MELK: variants seen among roughly 807,000 people sequenced by gnomAD.
MELK encodes the protein pEg3 kinase.
In MELK, 81 loss-of-function variants were observed where a neutral mutation model predicts 85.0. That is an observed-to-expected ratio of 0.95 (90% confidence interval 0.80 to 1.15). The LOEUF is 1.15. Ranked by LOEUF, MELK falls within the 50% of genes most tolerant of loss-of-function variation. The pLI is 0.00. For missense variants in MELK, 754 were observed against 777.5 expected (o/e 0.97, Z 0.36); for synonymous variants, 252 against 265.0 (o/e 0.95, Z 0.48).
rs559265487 is a variant in MELK, at chr9:36,671,097, T to C, written c.1605T>C (p.Asp535=). ...TTGGGAGCCTTGAAAGGGGGTTGGATAAGGTTATCACTGTGCTCACCAGGA... is the reference window on the plus strand; with the variant it reads ...TTGGGAGCCTTGAAAGGGGGTTGGACAAGGTTATCACTGTGCTCACCAGGA... The part of the protein sequence containing the change: ...KVFGSLERGL[D]KVITVLTRSK... Residue 535 remains aspartate (D), a synonymous_variant, in exon 16 of 18, where the codon GAT becomes GAC. Coordinates refer to ENST00000298048, the MANE Select transcript of MELK (RefSeq NM_014791.4). The C allele has an allele frequency of 3.5e-5, 57 of 1,613,128 alleles. No homozygotes were observed. The South Asian group carries it at 5.5e-4, about 16-fold the overall frequency.
At chr9:36,591,008 C>T (rs1823483466) in intron 4 of MELK, among the ~76,000 whole-genome samples, 1 of 152,142 alleles carries the variant, frequency 6.6e-6, no homozygotes, top group African/African-American at 2.4e-5. Flanking sequence ...GGGAGAATTG[C>T]TTGAGTCCAG....
intron 12 of MELK, among the ~76,000 whole-genome samples, chr9:36,656,523 G>A (rs551424292): frequency 6.6e-6 from 1 of 152,168 alleles, no homozygotes; most frequent in Non-Finnish European, 1.5e-5. Flanking sequence ...CTTGCCCTAT[G>A]CCTGGAATAC....
rs1437342332 is a variant in MELK, at chr9:36,651,877, G to A, written c.1053G>A (p.Lys351=). ...QASATPFTDI[K]SNNWSLEDVT... Reference sequence around the variant, plus strand: ...GTGCTACCCCATTCACAGACATCAAGGTAAGTGTTACTGCCTGTTGTGTCT... The same window carrying A: ...GTGCTACCCCATTCACAGACATCAAAGTAAGTGTTACTGCCTGTTGTGTCT... Residue 351 remains lysine (K), a splice_region_variant and synonymous_variant, in exon 12 of 18, where the codon AAG becomes AAA. Transcript: ENST00000298048. 6.2e-7 allele frequency: 1 copy of A among 1,613,026 alleles called. No homozygotes were observed. Among genetic ancestry groups the A allele is most frequent in the Admixed American group, 1.7e-5 (1 of 59,946 alleles).
intron 14 of MELK, among the ~76,000 whole-genome samples, chr9:36,666,336 G>T (rs572046605): frequency 7.0e-4 from 107 of 152,300 alleles, no homozygotes; most frequent in Non-Finnish European, 1.1e-3. Flanking sequence ...TGTCATGACA[G>T]TAGAGACTCT....
rs1344682382 is a variant in MELK at position 36,671,106 on chromosome 9, C to T, written c.1614C>T (p.Ile538=). The stretch of plus-strand genomic sequence containing the variant: ...TTGAAAGGGGGTTGGATAAGGTTAT[C>T]ACTGTGCTCACCAGGAGCAAAAGGA... ...GSLERGLDKV[I]TVLTRSKRKG... Residue 538 remains isoleucine, a synonymous_variant, in exon 16 of 18, where the codon ATC becomes ATT. Transcript: ENST00000298048. The T allele has an allele frequency of 2.5e-6, 4 of 1,612,490 alleles. No homozygotes were observed. Among genetic ancestry groups the T allele is most frequent in the Non-Finnish European group, 3.4e-6 (4 of 1,179,260 alleles).
chr9:36,659,031 G>A (rs1307459140), intron 13 of MELK, among the ~76,000 whole-genome samples: 10 of 152,132 alleles, frequency 6.6e-5, no homozygotes, highest in African/African-American at 1.9e-4. Context: ...ACAGGTGCCC[G>A]CCACCACGCC....
chr9:36,621,578 T>C (rs1468621278), intron 8 of MELK, among the ~76,000 whole-genome samples: 1 of 152,184 alleles, frequency 6.6e-6, no homozygotes, highest in African/African-American at 2.4e-5. Flanking sequence ...CTAGCCAATT[T>C]GTTTTCAGAG....
rs1220796077 is a variant in MELK at position 36,607,605 on chromosome 9, T to C, written c.598T>C (p.Tyr200His). 5 of 1,612,888 alleles carry C rather than the reference T, an allele frequency of 3.1e-6. No homozygotes were observed. The highest frequency in any genetic ancestry group is 1.3e-5 in the African/African-American group (1 of 74,888). The change falls in exon 8 of 18, where the codon TAT becomes CAT. Residue 200 changes from tyrosine (Y) to histidine (H), a missense_variant. Tyr to His is a moderately conservative substitution (Grantham distance 83, BLOSUM62 2). Coordinates refer to ENST00000298048, the MANE Select transcript of MELK (RefSeq NM_014791.4). Reference protein sequence around the residue: ...ADVWSMGILLYVLMCGFLPFD... With the variant: ...ADVWSMGILLHVLMCGFLPFD... ...TGTTTGGAGCATGGGCATACTGTTA[T>C]ATGTTCTTATGTGTGGATTTCTACC...
In MELK at chr9:36,589,585, G is replaced by T. The variant is rs1823319531; in HGVS notation, c.194G>T (p.Arg65Ile). ...KTEIEALKNL[R>I]HQHICQLYHV... The stretch of plus-strand genomic sequence containing the variant: ...GAGATTGAGGCCTTGAAGAACCTGA[G>T]ACATCAGCATATATGTCAACTCTAC... The change falls in exon 4 of 18, where the codon AGA (arginine) becomes ATA (isoleucine). Residue 65 changes from arginine (R) to isoleucine (I), a missense_variant. Physicochemically the swap from Arg to Ile is moderately conservative, Grantham distance 97. Coordinates refer to ENST00000298048, the MANE Select transcript of MELK (RefSeq NM_014791.4). The T allele has an allele frequency of 1.2e-6, 2 of 1,613,940 alleles. No homozygotes were observed. The highest frequency in any genetic ancestry group is 1.7e-6 in the Non-Finnish European group (2 of 1,180,006).
At chr9:36,639,797 CT>C (rs1438747948) in intron 10 of MELK, among the ~76,000 whole-genome samples, 2 of 152,284 alleles carry the variant, frequency 1.3e-5, no homozygotes, top group African/African-American at 2.4e-5. Context: ...ACACATATGC[CT>C]TGTGGTAAAG....
intron 8 of MELK, among the ~76,000 whole-genome samples, chr9:36,613,043 T>G (rs1414978151): frequency 6.6e-6 from 1 of 152,202 alleles, no homozygotes; most frequent in Admixed American, 6.6e-5. Context: ...CCCCGTGTAA[T>G]GTGGCCTCCC....
chr9:36,600,054 G>C (rs531582497), intron 7 of MELK, among the ~76,000 whole-genome samples: 49 of 151,806 alleles, frequency 3.2e-4, no homozygotes, highest in Non-Finnish European at 5.9e-4. Context: ...GCTCAAACAG[G>C]TTTCCTATTT....
chr9:36,613,420 A>G (rs756337919), intron 8 of MELK, among the ~76,000 whole-genome samples: 4 of 152,256 alleles, frequency 2.6e-5, no homozygotes, highest in Non-Finnish European at 2.9e-5. Flanking sequence ...TGTGAATAAA[A>G]CAGATGAAAG....
At chr9:36,650,164 C>T (rs919528362) in intron 11 of MELK, among the ~76,000 whole-genome samples, 2 of 151,758 alleles carry the variant, frequency 1.3e-5, no homozygotes, top group Non-Finnish European at 1.5e-5. Context: ...AGGATGGTCT[C>T]GATCTCCTGA....
chr9:36,593,664 C>G (rs1038459624), intron 4 of MELK, among the ~76,000 whole-genome samples: 1 of 152,064 alleles, frequency 6.6e-6, no homozygotes, highest in South Asian at 2.1e-4. Flanking sequence ...CTTTAAGGTA[C>G]GTTTTTTGTT....
chr9:36,581,857 C>T (rs1822275000), intron 2 of MELK, 118 bp downstream of exon 2: 1 of 702,184 alleles, frequency 1.4e-6, no homozygotes, highest in Non-Finnish European at 2.3e-6. Flanking sequence ...CTTCTACCTA[C>T]TTCAGTAAGA....
At chr9:36,584,836 G>T (rs1822709498) in intron 3 of MELK, among the ~76,000 whole-genome samples, 1 of 150,348 alleles carries the variant, frequency 6.7e-6, no homozygotes. Flanking sequence ...TCCCACCTCA[G>T]CCTCCTGAGT....
intron 5 of MELK, among the ~76,000 whole-genome samples, chr9:36,596,805 C>T (rs542865874): frequency 6.1e-4 from 92 of 151,462 alleles, no homozygotes; most frequent in Non-Finnish European, 1.1e-3. Context: ...AGGCTGGTCT[C>T]GAACTCCTGA....
At chr9:36,627,790 G>A (rs1218322134) in intron 8 of MELK, among the ~76,000 whole-genome samples, 1 of 151,968 alleles carries the variant, frequency 6.6e-6, no homozygotes, top group African/African-American at 2.4e-5. Flanking sequence ...GCCTCCCAAA[G>A]TGCTGGGATT....
Sources: allele counts gnomAD v4.1 joint callset (sites outside exome capture counted in the v4.1 genomes callset), GRCh38; gene constraint gnomAD v4.1.1; transcripts MANE v1.5; gene names NCBI Gene and HGNC (gene_info 2026-07-23, HGNC 2026-07-21).